CDH13: variants seen among roughly 807,000 people sequenced by gnomAD.
The protein encoded by CDH13 is cadherin 13.
CDH13 carries 24 observed loss-of-function variants against 63.8 expected under a neutral mutation model. The ratio of observed to expected loss-of-function variants is 0.38; its 90% confidence interval spans 0.27 to 0.53. The LOEUF (loss-of-function observed/expected upper bound fraction) is 0.53, where lower values mean the gene tolerates loss of function less well. CDH13 is among the 20% of genes least tolerant of loss of function. The probability of loss-of-function intolerance (pLI) is 0.85; values close to 1 mark genes in which losing one functional copy is unlikely to be tolerated. For missense variants in CDH13, 1,049 were observed against 903.1 expected (o/e 1.16, Z -2.07); for synonymous variants, 503 against 355.3 (o/e 1.42, Z -4.67).
intron 1 of CDH13, among the ~76,000 whole-genome samples, chr16:82,748,371 G>C (rs2034271723): frequency 6.6e-6 from 1 of 152,156 alleles, no homozygotes; most frequent in South Asian, 2.1e-4. Flanking sequence ...CTGACTTCCA[G>C]GACAAAATGG....
At chr16:83,278,956 A>G (rs2089077643) in intron 5 of CDH13, among the ~76,000 whole-genome samples, 1 of 152,170 alleles carries the variant, frequency 6.6e-6, no homozygotes, top group African/African-American at 2.4e-5. Flanking sequence ...GAAATACAGA[A>G]AGCACACAGC....
chr16:82,913,114 T>G (rs1224861215), intron 2 of CDH13, among the ~76,000 whole-genome samples: 1 of 152,158 alleles, frequency 6.6e-6, no homozygotes, highest in Non-Finnish European at 1.5e-5. Flanking sequence ...AGTGTTGGTT[T>G]AAGTAAATTT....
At chr16:82,964,109 C>T (rs778723246) in intron 2 of CDH13, among the ~76,000 whole-genome samples, 5 of 152,064 alleles carry the variant, frequency 3.3e-5, no homozygotes, top group Admixed American at 1.3e-4. Flanking sequence ...CAGGAGCACA[C>T]GCCAAAGAGA....
intron 6 of CDH13, among the ~76,000 whole-genome samples, chr16:83,484,912 C>G (rs1224330957): frequency 6.6e-6 from 1 of 152,212 alleles, no homozygotes; most frequent in Non-Finnish European, 1.5e-5. Flanking sequence ...AACGCTGATT[C>G]CATGACAAGG....
chr16:82,904,847 C>T (rs1226127101), intron 2 of CDH13, among the ~76,000 whole-genome samples: 2 of 152,154 alleles, frequency 1.3e-5, no homozygotes, highest in Non-Finnish European at 2.9e-5. Flanking sequence ...TAGAGTGCGA[C>T]ATTTGAACTA....
chr16:83,193,888 A>G (rs973529545), intron 4 of CDH13, among the ~76,000 whole-genome samples: 1 of 152,226 alleles, frequency 6.6e-6, no homozygotes, highest in African/African-American at 2.4e-5. Context: ...TAATATAAAA[A>G]CAGAATAGAA....
chr16:83,236,186 T>A (rs1479506910), intron 5 of CDH13, among the ~76,000 whole-genome samples: 1 of 151,246 alleles, frequency 6.6e-6, no homozygotes, highest in Non-Finnish European at 1.5e-5. Context: ...TCCAAACTAG[T>A]TCTGAAAACA....
intron 6 of CDH13, among the ~76,000 whole-genome samples, chr16:83,470,931 C>G (rs896985082): frequency 1.4e-4 from 22 of 152,122 alleles, no homozygotes; most frequent in South Asian, 2.1e-4. Context: ...TCCAGAGGCT[C>G]CAGGGGAGAA....
intron 3 of CDH13, among the ~76,000 whole-genome samples, chr16:83,045,272 G>T (rs1170283761): frequency 3.9e-5 from 6 of 152,124 alleles, no homozygotes; most frequent in African/African-American, 1.4e-4. Context: ...CTCGTGAACA[G>T]AACCTTTGGA....
In CDH13 at chr16:83,548,590, G is replaced by A. The variant is rs143091432; in HGVS notation, c.961-53864G>A. On this transcript the variant is annotated intron_variant, in intron 7 of 13. Transcript: ENST00000567109. ...CCATTCTCTGAGATATTGGGACCCC[G>A]GATAGCCAGTTCTTTTACAAGGGGT... Among the ~76,000 whole-genome samples, 1,107 of 152,266 alleles carry A rather than the reference G, an allele frequency of 7.3e-3. 12 individuals are homozygous for A. Among genetic ancestry groups the A allele is most frequent in the African/African-American group, 0.025 (1,024 of 41,546 alleles).
chr16:82,977,199 G>C (rs1909637911), intron 2 of CDH13, among the ~76,000 whole-genome samples: 1 of 152,186 alleles, frequency 6.6e-6, no homozygotes, highest in Non-Finnish European at 1.5e-5. Context: ...GGGATTGCTA[G>C]AGAGTTCCAG....
At chr16:83,031,170 A>G (rs1327643394) in intron 2 of CDH13, among the ~76,000 whole-genome samples, 2 of 145,100 alleles carry the variant, frequency 1.4e-5, no homozygotes, top group South Asian at 2.2e-4. Context: ...CTGTAGGTAT[A>G]TACATGCGCA....
chr16:82,919,163 A>ATT (rs1229656128), intron 2 of CDH13, among the ~76,000 whole-genome samples: 2 of 152,070 alleles, frequency 1.3e-5, no homozygotes, highest in African/African-American at 2.4e-5. Flanking sequence ...TAAATGTTAT[A>ATT]TTTCAATCTT....
intron 2 of CDH13, among the ~76,000 whole-genome samples, chr16:82,860,541 T>C (rs1482639683): frequency 6.6e-6 from 1 of 152,072 alleles, no homozygotes. Flanking sequence ...GATATGAGAA[T>C]TGAGGACACT....
At chr16:82,965,794 G>T (rs1034016269) in intron 2 of CDH13, among the ~76,000 whole-genome samples, 1 of 152,174 alleles carries the variant, frequency 6.6e-6, no homozygotes, top group Non-Finnish European at 1.5e-5. Flanking sequence ...CTCCCGGCCA[G>T]TAAACTTTAT....
chr16:83,672,613 C>CG lies in CDH13; in HGVS notation c.1284+1645dup, dbSNP rs536599061. 4.0e-5 allele frequency among the ~76,000 whole-genome samples: 6 copies of CG among 151,638 alleles called. No individual in the cohort carries two copies. The East Asian group carries it at 5.8e-4, about 15-fold the overall frequency. The stretch of plus-strand genomic sequence containing the variant: ...CTAACTTTTGTATTTTCAATAGAGA[C>CG]GGGGTCTCACCAGGTTGGCCAGGCT... On this transcript the variant is annotated intron_variant, in intron 9 of 13. Coordinates refer to ENST00000567109, the MANE Select transcript of CDH13 (RefSeq NM_001257.5).
At chr16:83,104,169 C>G (rs2034649055) in intron 3 of CDH13, among the ~76,000 whole-genome samples, 1 of 152,164 alleles carries the variant, frequency 6.6e-6, no homozygotes, top group South Asian at 2.1e-4. Flanking sequence ...ACCATCCTAA[C>G]ATCAAAACCA....
intron 10 of CDH13, among the ~76,000 whole-genome samples, chr16:83,682,504 G>A (rs1915489384): frequency 1.3e-5 from 2 of 152,144 alleles, no homozygotes; most frequent in Admixed American, 1.3e-4. Context: ...CTGTAGAGGG[G>A]AAAGTCGCCA....
chr16:82,771,332 T>C (rs963915427), intron 1 of CDH13, among the ~76,000 whole-genome samples: 1 of 152,234 alleles, frequency 6.6e-6, no homozygotes, highest in Non-Finnish European at 1.5e-5. Context: ...TGGTTATCTG[T>C]GTACATAAAC....
Sources: allele counts gnomAD v4.1 joint callset (sites outside exome capture counted in the v4.1 genomes callset), GRCh38; gene constraint gnomAD v4.1.1; transcripts MANE v1.5; gene names NCBI Gene and HGNC (gene_info 2026-07-23, HGNC 2026-07-21).